Variants in NALF1 observed in about 807,000 individuals in gnomAD.
The protein encoded by NALF1 is family with sequence similarity 155 member A.
Under a neutral mutation model 48.4 loss-of-function variants are expected in NALF1, and 3 were observed. That is an observed-to-expected ratio of 0.06 (90% CI 0.03 to 0.16). NALF1 has a LOEUF of 0.16. Ranked by LOEUF, NALF1 falls within the 10% of genes least tolerant of loss-of-function variation. The pLI is 1.00. For synonymous variants in NALF1, 262 were observed against 245.7 expected (o/e 1.07, Z -0.62); for missense variants, 526 against 571.5 (o/e 0.92, Z 0.81).
intron 1 of NALF1, among the ~76,000 whole-genome samples, chr13:107,773,553 A>G (rs1877638446): frequency 1.3e-5 from 2 of 152,052 alleles, no homozygotes; most frequent in African/African-American, 4.8e-5. Context: ...TTTTTCTAAA[A>G]CCAAGTATTA....
At chr13:107,405,403 T>C (rs974590289) in intron 1 of NALF1, among the ~76,000 whole-genome samples, 4 of 152,080 alleles carry the variant, frequency 2.6e-5, no homozygotes, top group African/African-American at 9.7e-5. Context: ...TCTTTCTACA[T>C]GTCTCTAGTG....
chr13:107,677,974 C>T (rs976944009), intron 1 of NALF1, among the ~76,000 whole-genome samples: 1 of 152,158 alleles, frequency 6.6e-6, no homozygotes, highest in Non-Finnish European at 1.5e-5. Context: ...CATATTTCTG[C>T]CATGGTATAT....
At chr13:107,555,812 C>T (rs1052645134) in intron 1 of NALF1, among the ~76,000 whole-genome samples, 1 of 151,740 alleles carries the variant, frequency 6.6e-6, no homozygotes, top group Non-Finnish European at 1.5e-5. Flanking sequence ...ACAAAATATG[C>T]TTATTGGAAA....
chr13:107,661,841 G>C (rs1306586843), intron 1 of NALF1, among the ~76,000 whole-genome samples: 1 of 151,996 alleles, frequency 6.6e-6, no homozygotes, highest in South Asian at 2.1e-4. Flanking sequence ...CTTAACACCT[G>C]CTATAGCTCT....
intron 1 of NALF1, among the ~76,000 whole-genome samples, chr13:107,769,461 A>G (rs1288900298): frequency 2.1e-5 from 3 of 143,842 alleles, no homozygotes; most frequent in South Asian, 2.3e-4. Flanking sequence ...AACACCGCAT[A>G]TTCTCACTCA....
At chr13:107,650,145 C>T (rs905804805) in intron 1 of NALF1, among the ~76,000 whole-genome samples, 1 of 152,048 alleles carries the variant, frequency 6.6e-6, no homozygotes, top group Non-Finnish European at 1.5e-5. Flanking sequence ...GCATATCCTA[C>T]ACTGTCATTA....
At chr13:107,552,619 C>A (rs1027490730) in intron 1 of NALF1, among the ~76,000 whole-genome samples, 1 of 152,050 alleles carries the variant, frequency 6.6e-6, no homozygotes, top group African/African-American at 2.4e-5. Flanking sequence ...CCACGGAGTC[C>A]CCACCTCAGT....
At chr13:107,744,774 AG>A (rs34945594) in intron 1 of NALF1, among the ~76,000 whole-genome samples, 1 of 152,236 alleles carries the variant, frequency 6.6e-6, no homozygotes, top group Admixed American at 6.5e-5. Context: ...AAATTTATAC[AG>A]GTTTTTTTGG....
chr13:107,231,788 T>C (rs1157497784), intron 1 of NALF1, among the ~76,000 whole-genome samples: 2 of 152,206 alleles, frequency 1.3e-5, no homozygotes, highest in Admixed American at 6.5e-5. Flanking sequence ...GGCATGAAGT[T>C]AAAGGGGAAG....
intron 1 of NALF1, among the ~76,000 whole-genome samples, chr13:107,485,250 C>A (rs1199291456): frequency 6.6e-6 from 1 of 152,116 alleles, no homozygotes; most frequent in Non-Finnish European, 1.5e-5. Flanking sequence ...TTCGTGATTG[C>A]CAATTAGACT....
rs538937880 is a variant in NALF1 at position 107,685,084 on chromosome 13, G to A, written c.915+180598C>T. ...AATCCCAGCACTTTGGGAGGCCAAG[G>A]CAGGCGGATCAGGAGGTCAGGAGTT... On this transcript the variant is annotated intron_variant, in intron 1 of 2. Coordinates refer to ENST00000375915, the MANE Select transcript of NALF1 (RefSeq NM_001080396.3). 2.6e-5 allele frequency among the ~76,000 whole-genome samples: 4 copies of A among 152,308 alleles called. No homozygotes were observed. The East Asian group carries it at 7.7e-4, about 29-fold the overall frequency.
chr13:107,740,945 T>C (rs1482077156), intron 1 of NALF1, among the ~76,000 whole-genome samples: 7 of 152,130 alleles, frequency 4.6e-5, no homozygotes, highest in Non-Finnish European at 2.9e-5. Context: ...ACTGTAAATA[T>C]CATTAAATTC....
chr13:107,399,738 C>G (rs1468812591), intron 1 of NALF1, among the ~76,000 whole-genome samples: 2 of 152,126 alleles, frequency 1.3e-5, no homozygotes. Flanking sequence ...GCAGAATACT[C>G]TAATTCCCAG....
chr13:107,560,746 G>A (rs1314260450), intron 1 of NALF1, among the ~76,000 whole-genome samples: 1 of 152,060 alleles, frequency 6.6e-6, no homozygotes, highest in African/African-American at 2.4e-5. Flanking sequence ...GTTCTGCCAA[G>A]GCCATTTATT....
At chr13:107,733,026 A>C (rs9555405) in intron 1 of NALF1, among the ~76,000 whole-genome samples, 113,205 of 152,050 alleles carry the variant, frequency 0.74, 43,382 homozygotes, top group Non-Finnish European at 0.85. Context: ...GATTAATATA[A>C]AGAATGTATG....
At chr13:107,448,036 C>T (rs1466349354) in intron 1 of NALF1, among the ~76,000 whole-genome samples, 3 of 152,192 alleles carry the variant, frequency 2.0e-5, no homozygotes, top group Non-Finnish European at 2.9e-5. Flanking sequence ...CTTGTGCCTA[C>T]ATTCTGACAG....
chr13:107,775,566 T>C (rs1877708243), intron 1 of NALF1, among the ~76,000 whole-genome samples: 1 of 151,762 alleles, frequency 6.6e-6, no homozygotes, highest in Non-Finnish European at 1.5e-5. Context: ...TTTGGGTATA[T>C]ACCCAGTAAT....
chr13:107,446,840 C>A (rs1453125692), intron 1 of NALF1, among the ~76,000 whole-genome samples: 1 of 152,170 alleles, frequency 6.6e-6, no homozygotes, highest in Non-Finnish European at 1.5e-5. Flanking sequence ...CAGAGTAAGT[C>A]ATTTGTGCTG....
At chr13:107,219,310 T>C (rs1182314103) in intron 1 of NALF1, among the ~76,000 whole-genome samples, 1 of 152,202 alleles carries the variant, frequency 6.6e-6, no homozygotes, top group Non-Finnish European at 1.5e-5. Flanking sequence ...ACCTGGCCTG[T>C]ATGGACTGTC....
Sources: gnomAD v4.1 joint callset for allele counts (sites outside exome capture counted in the v4.1 genomes callset) on GRCh38, gnomAD v4.1.1 for gene constraint, MANE v1.5 for transcripts, NCBI Gene and HGNC (gene_info 2026-07-23, HGNC 2026-07-21) for gene names.